FGF14: variants seen among roughly 807,000 people sequenced by gnomAD.
FGF14 encodes the protein fibroblast growth factor 14.
A neutral mutation model predicts 25.5 loss-of-function variants in FGF14; 5 were observed. That is an observed-to-expected ratio of 0.20 (90% CI 0.10 to 0.41). The LOEUF (loss-of-function observed/expected upper bound fraction) is 0.41. Among genes scored for constraint, FGF14 ranks in the 10% least tolerant of loss-of-function variants. The probability of loss-of-function intolerance (pLI) is 1.00; values close to 1 mark genes in which losing one functional copy is unlikely to be tolerated. For missense variants in FGF14, 222 were observed against 320.1 expected (o/e 0.69, Z 2.34); for synonymous variants, 138 against 118.3 (o/e 1.17, Z -1.08).
At chr13:102,209,161 C>G (rs1331883559) in intron 1 of FGF14, among the ~76,000 whole-genome samples, 1 of 152,176 alleles carries the variant, frequency 6.6e-6, no homozygotes, top group Non-Finnish European at 1.5e-5. Context: ...ACAAGGAGCT[C>G]TAGAGCTGAG....
chr13:101,843,105 G>A (rs1246104569), intron 3 of FGF14, among the ~76,000 whole-genome samples: 1 of 152,078 alleles, frequency 6.6e-6, no homozygotes, highest in Non-Finnish European at 1.5e-5. Flanking sequence ...GGGTGACCGA[G>A]TTCTAAAATT....
At chr13:101,837,011 G>A (rs2042956633) in intron 3 of FGF14, among the ~76,000 whole-genome samples, 1 of 152,008 alleles carries the variant, frequency 6.6e-6, no homozygotes, top group Non-Finnish European at 1.5e-5. Flanking sequence ...ATAATGAGAG[G>A]AACTTTCTCC....
intron 1 of FGF14, among the ~76,000 whole-genome samples, chr13:102,284,573 T>C (rs1023296933): frequency 1.3e-5 from 2 of 152,176 alleles, no homozygotes; most frequent in African/African-American, 4.8e-5. Flanking sequence ...TTTTTTACTC[T>C]AAAATTTTAA....
intron 1 of FGF14, among the ~76,000 whole-genome samples, chr13:102,356,529 C>A (rs1349574361): frequency 2.0e-5 from 3 of 152,126 alleles, no homozygotes; most frequent in Non-Finnish European, 4.4e-5. Context: ...TTATATGTTA[C>A]CTAAAACCTG....
At chr13:101,787,349 A>T (rs890575154) in intron 3 of FGF14, among the ~76,000 whole-genome samples, 23 of 152,222 alleles carry the variant, frequency 1.5e-4, no homozygotes, top group African/African-American at 4.8e-4. Context: ...GATTATTGTC[A>T]TATGAATGAA....
At chr13:102,095,643 C>T (rs1187707420) in intron 1 of FGF14, among the ~76,000 whole-genome samples, 1 of 152,134 alleles carries the variant, frequency 6.6e-6, no homozygotes, top group Non-Finnish European at 1.5e-5. Context: ...ATTCTCCTCC[C>T]CCTTAGCCTA....
chr13:101,799,028 T>C (rs1409549571), intron 3 of FGF14, among the ~76,000 whole-genome samples: 1 of 152,142 alleles, frequency 6.6e-6, no homozygotes, highest in Non-Finnish European at 1.5e-5. Flanking sequence ...AAGGTAAAGA[T>C]TGCCTCATAC....
At chr13:102,291,159 AT>A (rs1262491467) in intron 1 of FGF14, among the ~76,000 whole-genome samples, 1 of 152,194 alleles carries the variant, frequency 6.6e-6, no homozygotes, top group African/African-American at 2.4e-5. Context: ...ACTGATAGAA[AT>A]TTTCTAACTT....
intron 1 of FGF14, among the ~76,000 whole-genome samples, chr13:102,012,047 A>G (rs79599622): frequency 0.062 from 9,451 of 152,214 alleles, 451 homozygotes; most frequent in South Asian, 0.19. Flanking sequence ...GACCAAAATG[A>G]GGGACAGGAG....
intron 3 of FGF14, among the ~76,000 whole-genome samples, chr13:101,844,412 A>C (rs1404665016): frequency 6.6e-6 from 1 of 152,072 alleles, no homozygotes; most frequent in African/African-American, 2.4e-5. Context: ...TTCAGCTTTG[A>C]AGCCCTGGCT....
intron 1 of FGF14, among the ~76,000 whole-genome samples, chr13:102,321,544 T>C (rs181236643): frequency 1.4e-4 from 22 of 152,204 alleles, no homozygotes; most frequent in Admixed American, 1.4e-3. Flanking sequence ...TAAATTCTTG[T>C]TAGTGGCTTT....
At chr13:101,800,411 TATAAA>T (rs1375241583) in intron 3 of FGF14, among the ~76,000 whole-genome samples, 9 of 152,194 alleles carry the variant, frequency 5.9e-5, no homozygotes, top group Non-Finnish European at 1.0e-4. Flanking sequence ...ATAATATTCA[TATAAA>T]ATAATAGTAA....
chr13:101,992,494 A>T (rs538588690), intron 1 of FGF14, among the ~76,000 whole-genome samples: 2 of 152,302 alleles, frequency 1.3e-5, no homozygotes, highest in East Asian at 3.9e-4. Context: ...TCAGGACTCC[A>T]TTCAGACATG....
intron 1 of FGF14, among the ~76,000 whole-genome samples, chr13:102,285,214 T>C (rs1193024516): frequency 2.0e-5 from 3 of 152,214 alleles, no homozygotes; most frequent in Non-Finnish European, 4.4e-5. Context: ...ATTAATGTTC[T>C]TGGTACCTGG....
chr13:102,167,162 TA>T (rs2140647576), intron 1 of FGF14, among the ~76,000 whole-genome samples: 1 of 151,906 alleles, frequency 6.6e-6, no homozygotes, highest in Admixed American at 6.6e-5. Context: ...TTTCACAAAC[TA>T]AAAAATTTTT....
intron 1 of FGF14, among the ~76,000 whole-genome samples, chr13:102,235,155 A>C (rs1245532979): frequency 2.6e-5 from 4 of 152,208 alleles, no homozygotes; most frequent in Non-Finnish European, 2.9e-5. Flanking sequence ...AAAACACAAA[A>C]TCATTTGGCA....
chr13:102,105,363 A>T (rs137860365), intron 1 of FGF14, among the ~76,000 whole-genome samples: 322 of 152,308 alleles, frequency 2.1e-3, no homozygotes, highest in African/African-American at 7.5e-3. Context: ...TATTTAATTG[A>T]CCATGGTTGA....
chr13:101,872,312 ATGAT>A (rs2045142299), intron 2 of FGF14, among the ~76,000 whole-genome samples: 1 of 151,408 alleles, frequency 6.6e-6, no homozygotes, highest in African/African-American at 2.4e-5. Flanking sequence ...ATGTTTATGA[ATGAT>A]TATTCATAAA....
intron 1 of FGF14, among the ~76,000 whole-genome samples, chr13:101,950,302 T>C (rs911465140): frequency 6.6e-6 from 1 of 152,228 alleles, no homozygotes; most frequent in African/African-American, 2.4e-5. Flanking sequence ...TAGCTGAATG[T>C]ATCCTAATTG....
Sources: allele counts gnomAD v4.1 joint callset (sites outside exome capture counted in the v4.1 genomes callset), GRCh38; gene constraint gnomAD v4.1.1; transcripts MANE v1.5; gene names NCBI Gene and HGNC (gene_info 2026-07-23, HGNC 2026-07-21).